The following PLEKHA7 variants were observed in gnomAD, a reference collection of about 807,000 sequenced individuals.
The protein encoded by PLEKHA7 is pleckstrin homology domain-containing family A member 7.
PLEKHA7 carries 104 observed loss-of-function variants against 170.0 expected under a neutral mutation model. That is an observed-to-expected ratio of 0.61 (90% confidence interval 0.52 to 0.72). The LOEUF (loss-of-function observed/expected upper bound fraction) is 0.72, where lower values mean the gene tolerates loss of function less well. Ranked by LOEUF, PLEKHA7 falls within the 30% of genes least tolerant of loss-of-function variation. The pLI is 0.00. For missense variants in PLEKHA7, 1,615 were observed against 1,671.7 expected (o/e 0.97, Z 0.59); for synonymous variants, 648 against 660.8 (o/e 0.98, Z 0.30).
At chr11:16,904,630 T>A (rs555062798) in intron 3 of PLEKHA7, among the ~76,000 whole-genome samples, 1 of 151,726 alleles carries the variant, frequency 6.6e-6, no homozygotes, top group African/African-American at 2.4e-5. Flanking sequence ...TTTCTCTGAA[T>A]ATTACTGCTT....
chr11:16,826,449 C>A lies in PLEKHA7; in HGVS notation c.1014G>T (p.Gln338His), dbSNP rs761637350. 9.9e-6 allele frequency: 16 copies of A among 1,614,140 alleles called. No individual in the cohort carries two copies. The Admixed American group carries it at 2.5e-4, about 25-fold the overall frequency. Residue 338 changes from glutamine to histidine, a missense_variant, in exon 10 of 27, where the codon CAG becomes CAT. Coordinates refer to ENST00000531066, the MANE Select transcript of PLEKHA7 (RefSeq NM_001329630.2). The stretch of plus-strand genomic sequence containing the variant: ...AACGGTACTGCTCTCCCTCCTGCTC[C>A]TGCCTCTCGAAGTTGACAATGTCAT... ...GHDDIVNFER[Q>H]EQEGEQYRSQ...
chr11:16,810,263 T>A (rs756504625), intron 13 of PLEKHA7, among the ~76,000 whole-genome samples: 1 of 152,222 alleles, frequency 6.6e-6, no homozygotes, highest in African/African-American at 2.4e-5. Flanking sequence ...ACCTCTCCCC[T>A]GATTCCAGCC....
intron 9 of PLEKHA7, among the ~76,000 whole-genome samples, chr11:16,829,496 C>A (rs563788108): frequency 2.6e-5 from 4 of 152,158 alleles, no homozygotes; most frequent in Non-Finnish European, 4.4e-5. Flanking sequence ...TATTCAGGAG[C>A]CCATACTTAC....
At chr11:16,906,273 A>AGGAAGGAAGGAAGGAAGGAAGGAAGGAG (rs1443469524) in intron 3 of PLEKHA7, among the ~76,000 whole-genome samples, 11 of 116,152 alleles carry the variant, frequency 9.5e-5, no homozygotes, top group African/African-American at 3.7e-4. Context: ...GAAGGAAGGA[A>AGGAAGGAAGGAAGGAAGGAAGGAAGGAG]GGAAGGAAAG....
chr11:16,784,854 G>T (rs1003956752), intron 24 of PLEKHA7, among the ~76,000 whole-genome samples: 1 of 152,224 alleles, frequency 6.6e-6, no homozygotes, highest in African/African-American at 2.4e-5. Flanking sequence ...TGTAGCAGGA[G>T]GAATTTAGGT....
intron 9 of PLEKHA7, among the ~76,000 whole-genome samples, chr11:16,835,115 C>G (rs1851413033): frequency 6.6e-6 from 1 of 151,902 alleles, no homozygotes; most frequent in Non-Finnish European, 1.5e-5. Flanking sequence ...ACAAAAAATA[C>G]AAAAAATGAG....
intron 3 of PLEKHA7, among the ~76,000 whole-genome samples, chr11:16,929,718 G>A (rs2136315678): frequency 6.6e-6 from 1 of 152,336 alleles, no homozygotes; most frequent in East Asian, 1.9e-4. Flanking sequence ...GAAAGTATGT[G>A]CTGGGGCTGG....
At chr11:16,807,305 G>T in intron 13 of PLEKHA7, 4 of 582,808 alleles carry the variant, frequency 6.9e-6, no homozygotes, top group Non-Finnish European at 6.5e-6. Context: ...AGAATTTGGG[G>T]AACTGGCAAA....
intron 3 of PLEKHA7, among the ~76,000 whole-genome samples, chr11:16,910,556 C>T (rs1285082650): frequency 1.3e-5 from 2 of 152,212 alleles, no homozygotes; most frequent in African/African-American, 2.4e-5. Context: ...CCCTGGAACA[C>T]GGCTTCCCCC....
At chr11:16,885,892 G>C (rs1856060593) in intron 3 of PLEKHA7, among the ~76,000 whole-genome samples, 2 of 152,008 alleles carry the variant, frequency 1.3e-5, no homozygotes. Flanking sequence ...AGCCACCAAG[G>C]AGGCTTAGGC....
At chr11:16,883,393 G>A (rs1855853157) in intron 3 of PLEKHA7, among the ~76,000 whole-genome samples, 1 of 152,232 alleles carries the variant, frequency 6.6e-6, no homozygotes, top group South Asian at 2.1e-4. Context: ...CTGCCACCCT[G>A]TGGCTTTGTC....
At chr11:16,884,433 G>C (rs567224596) in intron 3 of PLEKHA7, among the ~76,000 whole-genome samples, 12 of 152,194 alleles carry the variant, frequency 7.9e-5, no homozygotes, top group South Asian at 4.1e-4. Context: ...AGGAGTTTGA[G>C]ACCAGCCTGG....
chr11:17,008,301 G>A (rs1257713704), intron 3 of PLEKHA7, among the ~76,000 whole-genome samples: 3 of 152,218 alleles, frequency 2.0e-5, no homozygotes, highest in African/African-American at 7.2e-5. Context: ...CCAGCAGCCA[G>A]GGAAGGAAGA....
In PLEKHA7 at chr11:16,855,730, G is replaced by A; in HGVS notation, c.417+73C>T. 1.8e-6 allele frequency: 2 copies of A among 1,104,724 alleles called. 1 individual carries two copies. The highest frequency in any genetic ancestry group is 2.8e-5 in the South Asian group (2 of 71,842). The allele number at this position is 1,104,724 out of a possible 1,614,324, so 68.4% of individuals were successfully genotyped here. ...CACAAAACTATAGTGAAGATCAAAT[G>A]GACTTCTGGTTACAAAGGGGCTTGG... On this transcript the variant is annotated intron_variant, in intron 5 of 26. Transcript: ENST00000531066.
At chr11:16,946,516 T>C (rs1861041250) in intron 3 of PLEKHA7, among the ~76,000 whole-genome samples, 1 of 152,222 alleles carries the variant, frequency 6.6e-6, no homozygotes, top group African/African-American at 2.4e-5. Context: ...AGTTTGTTTA[T>C]GCTGACTTTT....
Position 16,817,310 on chromosome 11 carries a change from G to A in PLEKHA7, c.1356C>T (p.Asp452=). 6.2e-7 allele frequency: 1 copy of A among 1,609,146 alleles called. No individual in the cohort carries two copies. ...QKGDSRSLPL[D]QTLPRQGPGQ... is the part of the protein sequence containing the mutation. ...CAGGACCCTGGCGAGGAAGCGTCTG[G>A]TCCAAGGGAAGACTGAGGAGAAAGG... The change falls in exon 11 of 27, where the codon GAC becomes GAT. Residue 452 remains aspartate (D), a synonymous_variant. Coordinates refer to ENST00000531066, the MANE Select transcript of PLEKHA7 (RefSeq NM_001329630.2). The surrounding 1 kb of genome is among the most constrained non-coding windows in gnomAD (Gnocchi z 4.4).
intron 3 of PLEKHA7, among the ~76,000 whole-genome samples, chr11:16,974,045 TTTTA>T (rs1291536331): frequency 6.6e-6 from 1 of 152,204 alleles, no homozygotes; most frequent in African/African-American, 2.4e-5. Context: ...CATTTTTCAT[TTTTA>T]TTTGTTTTAA....
intron 8 of PLEKHA7, among the ~76,000 whole-genome samples, chr11:16,848,187 C>T (rs1225997754): frequency 6.6e-6 from 1 of 152,234 alleles, no homozygotes; most frequent in African/African-American, 2.4e-5. Flanking sequence ...TTCTTGTTGT[C>T]TTCTCATCCT....
intron 3 of PLEKHA7, among the ~76,000 whole-genome samples, chr11:17,001,469 C>T (rs980514058): frequency 1.3e-5 from 2 of 152,152 alleles, no homozygotes; most frequent in Admixed American, 6.5e-5. Flanking sequence ...GAACCTAAAC[C>T]ATTGCTCTGG....
Sources: gnomAD v4.1 joint callset for allele counts (sites outside exome capture counted in the v4.1 genomes callset) on GRCh38, gnomAD v4.1.1 for gene constraint, Gnocchi (gnomAD v3.1) non-coding constraint, MANE v1.5 for transcripts, NCBI Gene and HGNC (gene_info 2026-07-23, HGNC 2026-07-21) for gene names.